Variants in ERC2 observed in about 807,000 individuals in gnomAD.
The protein encoded by ERC2 is ERC protein 2.
Under a neutral mutation model 114.8 loss-of-function variants are expected in ERC2, and 42 were observed. The observed-to-expected ratio is 0.37, with a 90% CI of 0.29 to 0.47. The LOEUF (loss-of-function observed/expected upper bound fraction) is 0.47. Ranked by LOEUF, ERC2 falls within the 20% of genes least tolerant of loss-of-function variation. ERC2 has a pLI of 0.99. For missense variants in ERC2, 939 were observed against 1,150.7 expected (o/e 0.82, Z 2.66); for synonymous variants, 454 against 425.5 (o/e 1.07, Z -0.82).
At chr3:56,095,904 G>A (rs2078038843) in intron 6 of ERC2, among the ~76,000 whole-genome samples, 1 of 152,286 alleles carries the variant, frequency 6.6e-6, no homozygotes, top group South Asian at 2.1e-4. Flanking sequence ...ATTGTAGGAA[G>A]GCAGGAAAAG....
intron 6 of ERC2, among the ~76,000 whole-genome samples, chr3:56,131,185 T>C (rs1400594182): frequency 6.6e-6 from 1 of 152,204 alleles, no homozygotes; most frequent in Non-Finnish European, 1.5e-5. Flanking sequence ...TAGTTACTGT[T>C]TTGCAGGTTT....
chr3:55,926,166 T>C (rs2065735424), intron 13 of ERC2, among the ~76,000 whole-genome samples: 2 of 152,160 alleles, frequency 1.3e-5, no homozygotes. Flanking sequence ...CAAATGATTA[T>C]GGGAAAATGA....
chr3:56,161,083 T>C (rs1180982615), intron 4 of ERC2, among the ~76,000 whole-genome samples: 1 of 152,194 alleles, frequency 6.6e-6, no homozygotes, highest in African/African-American at 2.4e-5. Context: ...CCCTTGCTGC[T>C]AAGTGAATTC....
chr3:56,166,545 T>C (rs555540052), intron 4 of ERC2, among the ~76,000 whole-genome samples: 2 of 152,190 alleles, frequency 1.3e-5, no homozygotes, highest in African/African-American at 4.8e-5. Flanking sequence ...GGTTTGGTGG[T>C]AAGATTTTAA....
chr3:56,080,528 T>C (rs944282796), intron 7 of ERC2, among the ~76,000 whole-genome samples: 2 of 152,192 alleles, frequency 1.3e-5, no homozygotes, highest in Non-Finnish European at 2.9e-5. Flanking sequence ...TTGGGACCTT[T>C]GGTTATTTTA....
At chr3:56,053,002 G>A (rs1352167793) in intron 7 of ERC2, among the ~76,000 whole-genome samples, 1 of 152,118 alleles carries the variant, frequency 6.6e-6, no homozygotes, top group Non-Finnish European at 1.5e-5. Flanking sequence ...AAGTAGGTAA[G>A]GGAAGAAGCT....
chr3:56,032,925 A>AGAGAGAGAGAC (rs1560056386), intron 7 of ERC2, among the ~76,000 whole-genome samples: 3 of 86,044 alleles, frequency 3.5e-5, no homozygotes, highest in South Asian at 5.0e-4. Flanking sequence ...GAAAGAAAGA[A>AGAGAGAGAGAC]AGAAAGAAAG....
At chr3:55,671,268 T>G (rs2061546779) in intron 17 of ERC2, among the ~76,000 whole-genome samples, 1 of 152,256 alleles carries the variant, frequency 6.6e-6, no homozygotes, top group Admixed American at 6.5e-5. Flanking sequence ...TTCTCATTAG[T>G]AGAGGTATAT....
intron 2 of ERC2, among the ~76,000 whole-genome samples, chr3:56,392,145 A>G (rs888770515): frequency 2.6e-5 from 4 of 152,208 alleles, no homozygotes; most frequent in Non-Finnish European, 5.9e-5. Context: ...TTTTAAAGAA[A>G]TGTTTCAAAT....
intron 14 of ERC2, among the ~76,000 whole-genome samples, chr3:55,853,926 T>C (rs1327807911): frequency 1.3e-5 from 2 of 152,204 alleles, no homozygotes; most frequent in Non-Finnish European, 2.9e-5. Flanking sequence ...TTATGTTACA[T>C]GCTTTGACCA....
At chr3:56,218,640 G>A (rs542451338) in intron 3 of ERC2, among the ~76,000 whole-genome samples, 3 of 152,270 alleles carry the variant, frequency 2.0e-5, no homozygotes, top group Admixed American at 2.0e-4. Context: ...CCATTACTGG[G>A]TATATACCTA....
intron 2 of ERC2, among the ~76,000 whole-genome samples, chr3:56,343,192 T>TCTCTCACACACACACACACA (rs1376220124): frequency 1.6e-5 from 2 of 126,208 alleles, no homozygotes; most frequent in African/African-American, 3.0e-5. Flanking sequence ...TCTCTCTCTC[T>TCTCTCACACACACACACACA]CACACACACA....
At chr3:55,843,149 G>GTGA (rs1302713851) in intron 14 of ERC2, among the ~76,000 whole-genome samples, 1 of 152,218 alleles carries the variant, frequency 6.6e-6, no homozygotes, top group African/African-American at 2.4e-5. Flanking sequence ...GAGCACAGCA[G>GTGA]TGATATACAA....
chr3:55,705,459 T>A lies in ERC2; in HGVS notation c.2713-5947A>T, dbSNP rs965622690. Among the ~76,000 whole-genome samples, 4 of 152,198 alleles carry A rather than the reference T, an allele frequency of 2.6e-5. No individual in the cohort carries two copies. The East Asian group carries it at 7.7e-4, about 29-fold the overall frequency. On this transcript the variant is annotated intron_variant, in intron 15 of 17. Transcript: ENST00000288221. ...GGATGTGGAAAGAGCAGGAAATGTA[T>A]GTGAGATGAAAATTCACCACCTTAT... is the stretch of plus-strand genomic sequence containing the variant.
chr3:55,940,823 C>T (rs1168616116), intron 13 of ERC2, among the ~76,000 whole-genome samples: 1 of 152,128 alleles, frequency 6.6e-6, no homozygotes, highest in African/African-American at 2.4e-5. Context: ...CCATAAAATC[C>T]ATGCAAAACC....
intron 14 of ERC2, among the ~76,000 whole-genome samples, chr3:55,877,239 T>C (rs62256778): frequency 0.1 from 15,422 of 152,140 alleles, 939 homozygotes; most frequent in South Asian, 0.17. Context: ...TCCCCTCCAG[T>C]TGGGATGACC....
chr3:55,845,503 C>CAAAAAAA (rs764740068), intron 14 of ERC2, among the ~76,000 whole-genome samples: 972 of 63,882 alleles, frequency 0.015, 28 homozygotes, highest in Non-Finnish European at 0.024. Flanking sequence ...GACTCCGTCT[C>CAAAAAAA]AAAAAAAAAA....
chr3:56,050,349 T>G (rs1182574601), intron 7 of ERC2, among the ~76,000 whole-genome samples: 1 of 152,202 alleles, frequency 6.6e-6, no homozygotes, highest in East Asian at 1.9e-4. Flanking sequence ...GCCCTCCAGT[T>G]GGATCTGGGA....
intron 3 of ERC2, among the ~76,000 whole-genome samples, chr3:56,199,666 C>A (rs1301484976): frequency 1.3e-5 from 2 of 152,072 alleles, no homozygotes; most frequent in African/African-American, 4.8e-5. Flanking sequence ...TACCACCACA[C>A]CTGGCTAATT....
Sources: allele counts gnomAD v4.1 joint callset (sites outside exome capture counted in the v4.1 genomes callset), GRCh38; gene constraint gnomAD v4.1.1; transcripts MANE v1.5; gene names NCBI Gene and HGNC (gene_info 2026-07-23, HGNC 2026-07-21).